Variants in ATP8A2 observed in about 807,000 individuals in gnomAD.
ATP8A2 encodes phospholipid-transporting ATPase IB.
In ATP8A2, 100 loss-of-function variants were observed where a neutral mutation model predicts 165.6. The ratio of observed to expected loss-of-function variants is 0.60; its 90% CI spans 0.51 to 0.71. The LOEUF is 0.71. Among genes scored for constraint, ATP8A2 ranks in the 30% least tolerant of loss-of-function variants. The pLI is 0.00. For synonymous variants in ATP8A2, 543 were observed against 548.8 expected (o/e 0.99, Z 0.15); for missense variants, 1,227 against 1,479.5 (o/e 0.83, Z 2.80).
intron 36 of ATP8A2, among the ~76,000 whole-genome samples, chr13:26,016,424 C>A (rs962201700): frequency 2.0e-5 from 3 of 152,134 alleles, no homozygotes; most frequent in African/African-American, 7.2e-5. Context: ...CATGGGAGGC[C>A]CTTGTGGCCA....
chr13:25,478,840 G>A (rs919088829), intron 2 of ATP8A2, among the ~76,000 whole-genome samples: 2 of 133,270 alleles, frequency 1.5e-5, no homozygotes, highest in Non-Finnish European at 3.1e-5. Context: ...TTCATTGGAT[G>A]TCCCATTTGT....
intron 24 of ATP8A2, among the ~76,000 whole-genome samples, chr13:25,626,409 C>G (rs544752597): frequency 7.2e-4 from 110 of 152,266 alleles, no homozygotes; most frequent in African/African-American, 2.6e-3. Flanking sequence ...TGTACATCTT[C>G]TTTTAAAGTC....
chr13:25,459,158 G>A (rs78632171), intron 1 of ATP8A2, among the ~76,000 whole-genome samples: 6,410 of 152,242 alleles, frequency 0.042, 161 homozygotes, highest in Middle Eastern at 0.079. Context: ...CAAGAGAGAA[G>A]CCAGAGGACG....
chr13:25,688,067 C>T (rs1422552492), intron 24 of ATP8A2, among the ~76,000 whole-genome samples: 1 of 152,092 alleles, frequency 6.6e-6, no homozygotes, highest in Non-Finnish European at 1.5e-5. Flanking sequence ...GGGATACTCA[C>T]TGCCCCAACA....
intron 25 of ATP8A2, among the ~76,000 whole-genome samples, chr13:25,730,321 G>A (rs1448926558): frequency 1.3e-5 from 2 of 152,086 alleles, no homozygotes; most frequent in East Asian, 1.9e-4. Context: ...TTATTAGAAA[G>A]CAAAAGTCTC....
chr13:25,752,396 T>A (rs1029110061), intron 25 of ATP8A2, among the ~76,000 whole-genome samples: 3 of 151,652 alleles, frequency 2.0e-5, no homozygotes, highest in Admixed American at 2.0e-4. Context: ...GGGAAAAGGT[T>A]GCAGTGAGCC....
intron 33 of ATP8A2, among the ~76,000 whole-genome samples, chr13:25,910,873 G>A (rs529311698): frequency 1.3e-5 from 2 of 151,648 alleles, no homozygotes; most frequent in Admixed American, 6.6e-5. Context: ...TGTTAAGTCC[G>A]CCTGAGAGAT....
At chr13:25,712,885 A>G (rs2137987879) in intron 25 of ATP8A2, among the ~76,000 whole-genome samples, 1 of 152,310 alleles carries the variant, frequency 6.6e-6, no homozygotes, top group East Asian at 1.9e-4. Context: ...ATACCTGGGT[A>G]TTCTTCATGT....
Position 26,011,851 on chromosome 13 carries a change from C to T in ATP8A2, c.3378-680C>T, listed in dbSNP as rs145937404. Reference sequence around the variant, plus strand: ...TCAGGAGGCTGAGGTGGGAGAGTTGCTTGAGCCCAGGAGTTCGAGGCTGCA... The same window carrying T: ...TCAGGAGGCTGAGGTGGGAGAGTTGTTTGAGCCCAGGAGTTCGAGGCTGCA... On this transcript the variant is annotated intron_variant, in intron 35 of 36. Transcript: ENST00000381655. Among the ~76,000 whole-genome samples the T allele has an allele frequency of 4.1e-3, 627 of 152,270 alleles. 5 individuals are homozygous for T. Among genetic ancestry groups the T allele is most frequent in the African/African-American group, 0.014 (585 of 41,548 alleles).
intron 24 of ATP8A2, among the ~76,000 whole-genome samples, chr13:25,604,908 C>T (rs1361510554): frequency 6.6e-6 from 1 of 152,144 alleles, no homozygotes; most frequent in Non-Finnish European, 1.5e-5. Context: ...CTTGAAAGCC[C>T]CAACTCACAG....
intron 35 of ATP8A2, among the ~76,000 whole-genome samples, chr13:26,000,608 A>G (rs1040400854): frequency 6.6e-5 from 10 of 150,504 alleles, no homozygotes; most frequent in Non-Finnish European, 1.0e-4. Context: ...AGGCACTAAG[A>G]CTGCACATAT....
At chr13:25,731,619 A>G (rs1249948509) in intron 25 of ATP8A2, among the ~76,000 whole-genome samples, 1 of 152,238 alleles carries the variant, frequency 6.6e-6, no homozygotes, top group Non-Finnish European at 1.5e-5. Context: ...TACGATATTT[A>G]GGCCTCACCC....
intron 30 of ATP8A2, among the ~76,000 whole-genome samples, chr13:25,849,606 G>T (rs1377167849): frequency 6.6e-6 from 1 of 152,154 alleles, no homozygotes; most frequent in Non-Finnish European, 1.5e-5. Flanking sequence ...AACATTTTCG[G>T]GCTGTTACTA....
intron 24 of ATP8A2, among the ~76,000 whole-genome samples, chr13:25,674,285 C>A (rs544421059): frequency 3.0e-4 from 46 of 150,964 alleles, no homozygotes; most frequent in African/African-American, 1.1e-3. Flanking sequence ...AAAACTAAAT[C>A]TATAAGGACC....
At chr13:25,498,314 T>C (rs531815812) in intron 2 of ATP8A2, among the ~76,000 whole-genome samples, 1 of 152,328 alleles carries the variant, frequency 6.6e-6, no homozygotes, top group East Asian at 1.9e-4. Context: ...CTAATAGAAT[T>C]TGATATTTCA....
At chr13:25,482,262 C>G (rs959731020) in intron 2 of ATP8A2, among the ~76,000 whole-genome samples, 1 of 152,178 alleles carries the variant, frequency 6.6e-6, no homozygotes, top group South Asian at 2.1e-4. Flanking sequence ...CCCAGGAACT[C>G]TGAGACTGAT....
At chr13:25,498,738 A>G (rs1470380367) in intron 2 of ATP8A2, among the ~76,000 whole-genome samples, 1 of 152,220 alleles carries the variant, frequency 6.6e-6, no homozygotes, top group Non-Finnish European at 1.5e-5. Flanking sequence ...AGAACATACT[A>G]TGTCCCCGAT....
intron 2 of ATP8A2, among the ~76,000 whole-genome samples, chr13:25,518,817 A>G (rs1381568610): frequency 1.3e-5 from 2 of 152,130 alleles, no homozygotes; most frequent in Non-Finnish European, 2.9e-5. Flanking sequence ...GTATGTGCCT[A>G]ATTATGAGTT....
chr13:25,736,564 C>A (rs1305286971), intron 25 of ATP8A2, among the ~76,000 whole-genome samples: 1 of 152,128 alleles, frequency 6.6e-6, no homozygotes, highest in Non-Finnish European at 1.5e-5. Flanking sequence ...AATGAAGGGT[C>A]AGTGTAACTT....
Sources: allele counts gnomAD v4.1 joint callset (sites outside exome capture counted in the v4.1 genomes callset), GRCh38; gene constraint gnomAD v4.1.1; transcripts MANE v1.5; gene names NCBI Gene and HGNC (gene_info 2026-07-23, HGNC 2026-07-21).